The following DPP6 variants were observed in gnomAD, a reference collection of about 807,000 sequenced individuals.
DPP6 encodes dipeptidyl peptidase like 6.
A neutral mutation model predicts 122.6 loss-of-function variants in DPP6; 69 were observed. The observed-to-expected ratio is 0.56, with a 90% CI of 0.46 to 0.69. The LOEUF (loss-of-function observed/expected upper bound fraction) is 0.69. Among genes scored for constraint, DPP6 ranks in the 30% least tolerant of loss-of-function variants. DPP6 has a pLI of 0.00. For missense variants in DPP6, 928 were observed against 1,116.9 expected, an observed-to-expected ratio of 0.83 and a Z score of 2.41; for synonymous variants, 418 against 433.1, an observed-to-expected ratio of 0.97 and a Z score of 0.43.
intron 1 of DPP6, among the ~76,000 whole-genome samples, chr7:154,184,731 T>G (rs923884366): frequency 6.6e-6 from 1 of 150,904 alleles, no homozygotes; most frequent in Non-Finnish European, 1.5e-5. Flanking sequence ...TGCTGAGAGA[T>G]ACACACATTA....
chr7:153,878,870 AT>A, the DPP6 span, among the ~76,000 whole-genome samples: 2 of 152,270 alleles, frequency 1.3e-5, no homozygotes, highest in South Asian at 2.1e-4. Flanking sequence ...CTGTGCAGGA[AT>A]TAAGTGTGTA....
chr7:154,565,776 C>T (rs930173803), intron 4 of DPP6, among the ~76,000 whole-genome samples: 6 of 152,188 alleles, frequency 3.9e-5, no homozygotes, highest in South Asian at 2.1e-4. Flanking sequence ...CCACCCGCCT[C>T]GGCCTCCCAA....
intron 5 of DPP6, among the ~76,000 whole-genome samples, chr7:154,620,744 C>T (rs1241776866): frequency 6.6e-6 from 1 of 152,216 alleles, no homozygotes; most frequent in Non-Finnish European, 1.5e-5. Context: ...ATTAGTTATA[C>T]TTCCATACCT....
chr7:154,601,775 GA>G (rs1833416435), intron 5 of DPP6, among the ~76,000 whole-genome samples: 1 of 120,156 alleles, frequency 8.3e-6, no homozygotes, highest in Non-Finnish European at 1.9e-5. Context: ...AGATTTATTG[GA>G]AAACATCCAT....
intron 1 of DPP6, among the ~76,000 whole-genome samples, chr7:154,176,233 A>G (rs1797796642): frequency 6.6e-6 from 1 of 152,204 alleles, no homozygotes; most frequent in Non-Finnish European, 1.5e-5. Context: ...TTCTCAGGAA[A>G]ATAATTCAGA....
intron 5 of DPP6, among the ~76,000 whole-genome samples, chr7:154,607,347 T>C (rs149906772): frequency 0.018 from 2,030 of 115,498 alleles, 599 homozygotes; most frequent in South Asian, 0.033. Context: ...ATCACGAGGT[T>C]AGGAGATTGA....
chr7:154,757,241 G>A (rs992275713), intron 8 of DPP6, among the ~76,000 whole-genome samples: 1 of 151,962 alleles, frequency 6.6e-6, no homozygotes, highest in Non-Finnish European at 1.5e-5. Flanking sequence ...ATCCCCTGAG[G>A]AACTGGGCAG....
upstream of DPP6, among the ~76,000 whole-genome samples, chr7:154,048,320 T>TTG (rs1022642994): frequency 2.9e-5 from 3 of 102,880 alleles, 1 homozygote; most frequent in East Asian, 2.4e-4. Flanking sequence ...ATAGCAATTA[T>TTG]TGTGTGTGTG....
At chr7:154,281,123 CT>C (rs1226542082) in intron 1 of DPP6, among the ~76,000 whole-genome samples, 2 of 151,966 alleles carry the variant, frequency 1.3e-5, no homozygotes, top group Non-Finnish European at 2.9e-5. Context: ...AGCAATTCTC[CT>C]GCCTCAGCTT....
chr7:154,377,597 T>G lies in DPP6; in HGVS notation c.244-68617T>G, dbSNP rs182060544. Among the ~76,000 whole-genome samples, 4 of 152,230 alleles carry G rather than the reference T, an allele frequency of 2.6e-5. No individual in the cohort carries two copies. In the East Asian group the frequency reaches 7.7e-4, roughly 29 times the overall value. Reference sequence around the variant, plus strand: ...TGATAGTGAATGAGTTCTCATAAGATCTGATGGTTTTAAAGTGTGCTGTTT... The same window carrying G: ...TGATAGTGAATGAGTTCTCATAAGAGCTGATGGTTTTAAAGTGTGCTGTTT... On this transcript the variant is annotated intron_variant, in intron 1 of 25. Coordinates refer to ENST00000377770, the MANE Select transcript of DPP6 (RefSeq NM_130797.4).
chr7:154,171,757 A>T (rs922460156), intron 1 of DPP6, among the ~76,000 whole-genome samples: 1 of 152,180 alleles, frequency 6.6e-6, no homozygotes, highest in African/African-American at 2.4e-5. Flanking sequence ...TCTAGTTTGC[A>T]GAAGAGTCCA....
intron 8 of DPP6, among the ~76,000 whole-genome samples, chr7:154,736,247 G>A (rs980140886): frequency 1.3e-5 from 2 of 152,220 alleles, no homozygotes; most frequent in African/African-American, 4.8e-5. Flanking sequence ...AGCAGACATT[G>A]AGTCCAGCAG....
intron 1 of DPP6, among the ~76,000 whole-genome samples, chr7:154,426,788 A>C (rs1397821926): frequency 6.7e-6 from 1 of 148,212 alleles, no homozygotes; most frequent in Non-Finnish European, 1.5e-5. Context: ...CAGCCGAGTA[A>C]GTTATTTGGT....
chr7:154,283,283 TG>T (rs1804645936), intron 1 of DPP6, among the ~76,000 whole-genome samples: 1 of 152,182 alleles, frequency 6.6e-6, no homozygotes, highest in East Asian at 1.9e-4. Context: ...TTGACACAGC[TG>T]TGTAAACTTG....
At chr7:153,935,866 G>A (rs185199324) in intron 1 of DPP6, among the ~76,000 whole-genome samples, 12 of 152,332 alleles carry the variant, frequency 7.9e-5, no homozygotes, top group Non-Finnish European at 1.3e-4. Flanking sequence ...TTCTAAGGGC[G>A]GTTATCACTT....
At chr7:153,935,204 G>T (rs564934718) in intron 1 of DPP6, among the ~76,000 whole-genome samples, 134 of 152,180 alleles carry the variant, frequency 8.8e-4, no homozygotes, top group Non-Finnish European at 1.4e-3. Flanking sequence ...GGAGCTGCAG[G>T]TCAGCAGACA....
In DPP6 at chr7:154,727,786, A is replaced by G. The variant is rs755008101; in HGVS notation, c.782A>G (p.Asn261Ser). ...AATTAGATATTTATTTTTGAAAACAATATCTACTACTGTGCACATGTCGGG... is the reference window on the plus strand; with the variant it reads ...AATTAGATATTTATTTTTGAAAACAGTATCTACTACTGTGCACATGTCGGG... Reference protein sequence around the residue: ...GQQLIFIFENNIYYCAHVGKQ... With the variant: ...GQQLIFIFENSIYYCAHVGKQ... Residue 261 changes from asparagine (N) to serine (S), a missense_variant, in exon 8 of 26, where the codon AAT becomes AGT. Physicochemically the swap from Asn to Ser is conservative, Grantham distance 46 (BLOSUM62 1). Transcript: ENST00000377770. 1.7e-5 allele frequency: 27 copies of G among 1,612,450 alleles called. No homozygotes were observed. The highest frequency in any genetic ancestry group is 2.1e-5 in the Non-Finnish European group (25 of 1,179,124).
chr7:154,759,486 A>T (rs1257261107), intron 8 of DPP6, among the ~76,000 whole-genome samples: 1 of 151,980 alleles, frequency 6.6e-6, no homozygotes, highest in Non-Finnish European at 1.5e-5. Context: ...CACGGGCTGG[A>T]CTCTCGAGGC....
At chr7:154,311,078 C>A (rs569828964) in intron 1 of DPP6, among the ~76,000 whole-genome samples, 17 of 152,078 alleles carry the variant, frequency 1.1e-4, no homozygotes, top group African/African-American at 3.9e-4. Flanking sequence ...TGTAAAAGAT[C>A]GGACAGGTAG....
Sources: gnomAD v4.1 joint callset for allele counts (sites outside exome capture counted in the v4.1 genomes callset) on GRCh38, gnomAD v4.1.1 for gene constraint, MANE v1.5 for transcripts, NCBI Gene and HGNC (gene_info 2026-07-23, HGNC 2026-07-21) for gene names.